DCC: variants seen among roughly 807,000 people sequenced by gnomAD.
DCC encodes netrin receptor DCC.
Under a neutral mutation model 172.5 loss-of-function variants are expected in DCC, and 58 were observed. The ratio of observed to expected loss-of-function variants is 0.34; its 90% CI spans 0.27 to 0.42. The LOEUF is 0.42. Among genes scored for constraint, DCC ranks in the 10% least tolerant of loss-of-function variants. DCC has a pLI of 1.00. For missense variants in DCC, 1,740 were observed against 1,791.0 expected (o/e 0.97, Z 0.51); for synonymous variants, 709 against 644.5 (o/e 1.10, Z -1.52).
chr18:53,145,435 C>T (rs982861055), intron 7 of DCC, among the ~76,000 whole-genome samples: 3 of 152,058 alleles, frequency 2.0e-5, no homozygotes, highest in East Asian at 1.9e-4. Flanking sequence ...TTTATGAGTG[C>T]GATTCATGCC....
At chr18:53,233,127 C>A (rs1168597796) in intron 12 of DCC, among the ~76,000 whole-genome samples, 1 of 152,036 alleles carries the variant, frequency 6.6e-6, no homozygotes, top group Non-Finnish European at 1.5e-5. Flanking sequence ...TCAAGCTAAT[C>A]AGTGCTATGG....
intron 28 of DCC, 46 bp from the exon 29 acceptor site, chr18:53,530,518 T>C (rs1471877010): frequency 9.4e-7 from 1 of 1,061,522 alleles, no homozygotes; most frequent in Admixed American, 1.7e-5. Context: ...ATAAAAGAAA[T>C]GGATCAATAT....
intron 2 of DCC, among the ~76,000 whole-genome samples, chr18:52,756,486 G>A (rs1490342131): frequency 6.6e-6 from 1 of 152,006 alleles, no homozygotes; most frequent in East Asian, 1.9e-4. Context: ...CCATATATGT[G>A]CATACATAAA....
At chr18:53,511,598 T>A (rs1423247804) in intron 27 of DCC, among the ~76,000 whole-genome samples, 1 of 152,124 alleles carries the variant, frequency 6.6e-6, no homozygotes, top group Admixed American at 6.5e-5. Flanking sequence ...GGTCAGTGGG[T>A]GCGCACACCG....
chr18:53,450,882 A>G (rs2045403022), intron 23 of DCC, among the ~76,000 whole-genome samples: 2 of 152,178 alleles, frequency 1.3e-5, no homozygotes, highest in East Asian at 1.9e-4. Context: ...ACCCACTTAT[A>G]TTTCTGTTTG....
intron 25 of DCC, among the ~76,000 whole-genome samples, chr18:53,486,231 A>G (rs149659422): frequency 8.5e-4 from 130 of 152,326 alleles, no homozygotes; most frequent in African/African-American, 3.0e-3. Context: ...AGTTACACTT[A>G]ATATGTCACT....
At chr18:53,032,054 G>A (rs1043712339) in intron 5 of DCC, among the ~76,000 whole-genome samples, 26 of 152,180 alleles carry the variant, frequency 1.7e-4, no homozygotes, top group African/African-American at 6.0e-4. Flanking sequence ...TTGTACTCAG[G>A]AGGTCAGCCA....
At chr18:52,704,540 G>T (rs138138239) in intron 1 of DCC, among the ~76,000 whole-genome samples, 136 of 152,268 alleles carry the variant, frequency 8.9e-4, no homozygotes, top group African/African-American at 3.1e-3. Context: ...ATTAAAGATG[G>T]TGATTGAAGG....
chr18:52,594,178 G>T (rs910356519), intron 1 of DCC, among the ~76,000 whole-genome samples: 1 of 152,212 alleles, frequency 6.6e-6, no homozygotes, highest in East Asian at 1.9e-4. Flanking sequence ...CCCCTGGATG[G>T]ATATTTGGTA....
intron 23 of DCC, among the ~76,000 whole-genome samples, chr18:53,455,636 CAA>C (rs1353974728): frequency 6.6e-6 from 1 of 152,166 alleles, no homozygotes; most frequent in African/African-American, 2.4e-5. Context: ...CTGCATCATA[CAA>C]AGTAACAAAT....
chr18:53,047,566 C>T (rs62097950), intron 5 of DCC, among the ~76,000 whole-genome samples: 47,825 of 144,932 alleles, frequency 0.33, 8,815 homozygotes, highest in Non-Finnish European at 0.42. Flanking sequence ...CCCTTCGTTG[C>T]CTTCAATTGT....
chr18:52,478,104 C>T (rs1461338424), intron 1 of DCC, among the ~76,000 whole-genome samples: 1 of 152,124 alleles, frequency 6.6e-6, no homozygotes, highest in East Asian at 1.9e-4. Flanking sequence ...GCCACCAGGT[C>T]CGGTCCCTGG....
chr18:53,291,791 T>C (rs560351456), intron 12 of DCC, among the ~76,000 whole-genome samples: 1 of 152,302 alleles, frequency 6.6e-6, no homozygotes, highest in African/African-American at 2.4e-5. Context: ...TTCCAAGGAA[T>C]GATTTAGGCA....
intron 10 of DCC, among the ~76,000 whole-genome samples, chr18:53,207,041 C>A (rs945245226): frequency 6.6e-6 from 1 of 151,900 alleles, no homozygotes; most frequent in African/African-American, 2.4e-5. Context: ...TCTGTTTTAT[C>A]TGCCTTTCTA....
chr18:52,777,467 T>A (rs1363326526), intron 2 of DCC, among the ~76,000 whole-genome samples: 1 of 151,210 alleles, frequency 6.6e-6, no homozygotes, highest in East Asian at 1.9e-4. Flanking sequence ...AAAATTCCCA[T>A]CTGTGTGTCT....
chr18:53,479,057 C>G (rs543375191), intron 25 of DCC, among the ~76,000 whole-genome samples: 3 of 152,232 alleles, frequency 2.0e-5, no homozygotes, highest in Admixed American at 6.5e-5. Context: ...ACCAAGAATT[C>G]TTTCCTAGGA....
At chr18:53,473,026 A>G (rs1414305168) in intron 25 of DCC, among the ~76,000 whole-genome samples, 2 of 152,160 alleles carry the variant, frequency 1.3e-5, no homozygotes, top group African/African-American at 4.8e-5. Flanking sequence ...TCCTTTTGAA[A>G]TGACTCAGTG....
At chr18:53,069,789 G>A (rs2042627585) in intron 7 of DCC, among the ~76,000 whole-genome samples, 1 of 152,076 alleles carries the variant, frequency 6.6e-6, no homozygotes, top group East Asian at 1.9e-4. Flanking sequence ...CTGAAACACA[G>A]ATGATAGGCA....
At chr18:53,121,445 C>T (rs941255223) in intron 7 of DCC, among the ~76,000 whole-genome samples, 5 of 151,826 alleles carry the variant, frequency 3.3e-5, no homozygotes, top group African/African-American at 1.2e-4. Flanking sequence ...TTGTTGTCTT[C>T]CCATTCAGAT....
Sources: allele counts gnomAD v4.1 joint callset (sites outside exome capture counted in the v4.1 genomes callset), GRCh38; gene constraint gnomAD v4.1.1; transcripts MANE v1.5; gene names NCBI Gene and HGNC (gene_info 2026-07-23, HGNC 2026-07-21).